SCX: variants seen among roughly 807,000 people sequenced by gnomAD.
SCX encodes the protein basic helix-loop-helix transcription factor scleraxis.
In SCX, 7 loss-of-function variants were observed where a neutral mutation model predicts 12.2. The observed-to-expected ratio is 0.57, with a 90% CI of 0.33 to 1.08. The LOEUF (loss-of-function observed/expected upper bound fraction) is 1.08. Ranked by LOEUF, SCX falls within the 50% of genes least tolerant of loss-of-function variation. The pLI is 0.04. For synonymous variants in SCX, 193 were observed against 163.9 expected (o/e 1.18, Z -1.36); for missense variants, 342 against 337.2 (o/e 1.01, Z -0.11).
chr8:144,266,795 C>G lies in SCX; in HGVS notation c.182C>G (p.Ala61Gly), dbSNP rs1174481820. Residue 61 changes from alanine to glycine, a missense_variant, in exon 1 of 2, where the codon GCC (alanine) becomes GGC (glycine). Transcript: ENST00000567180. ...CGGCGGAGGGCGGGGGGCCGGCGGG[C>G]CGGGGGCGGGGGGCCAGGGGGCCGG... is the stretch of plus-strand genomic sequence containing the variant. The part of the protein sequence containing the change: ...GARRRAGGRR[A>G]GGGGPGGRPG... The G allele has an allele frequency of 1.7e-5, 19 of 1,124,640 alleles. No homozygotes were observed. The highest frequency in any genetic ancestry group is 1.7e-5 in the Non-Finnish European group (16 of 920,724). 69.7% of individuals were successfully genotyped at this position (1,124,640 alleles called of 1,614,324 possible). A position where few individuals can be genotyped will look rare whatever the true frequency, so the allele number is the denominator to read the frequency against.
Position 144,267,090 on chromosome 8 carries a change from G to A in SCX, c.477G>A (p.Pro159=), listed in dbSNP as rs1279005518. The part of the protein sequence containing the change: ...FFHAARAGSP[P]PPPPPPPARD... ...ACGCGGCGCGCGCCGGCAGCCCCCC[G>A]CCGCCGCCCCCGCCGCCTCCCGCCC... Residue 159 remains proline, a synonymous_variant, in exon 1 of 2, where the codon CCG becomes CCA. Coordinates refer to ENST00000567180, the MANE Select transcript of SCX (RefSeq NM_001080514.3). 1.8e-5 allele frequency: 24 copies of A among 1,370,016 alleles called. No homozygotes were observed. Among genetic ancestry groups the A allele is most frequent in the South Asian group, 3.4e-5 (2 of 59,562 alleles). The allele number at this position is 1,370,016 out of a possible 1,614,324, so 84.9% of individuals were successfully genotyped here. A position where few individuals can be genotyped will look rare whatever the true frequency, so the allele number is the denominator to read the frequency against.
Position 144,267,197 on chromosome 8 carries a change from G to T in SCX, c.567+17G>T. The T allele has an allele frequency of 6.7e-7, 1 of 1,498,704 alleles. No homozygotes were observed. Among genetic ancestry groups the T allele is most frequent in the Non-Finnish European group, 8.8e-7 (1 of 1,137,034 alleles). 92.8% of individuals were successfully genotyped at this position (1,498,704 alleles called of 1,614,324 possible). A position where few individuals can be genotyped will look rare whatever the true frequency, so the allele number is the denominator to read the frequency against. ...AGAAAGTTGGTGAGCACGGGCCGTG[G>T]GGCGCCGAGGGGGGCCTCCAACGCG... On this transcript the variant is annotated intron_variant, in intron 1 of 1. Transcript: ENST00000567180.
In SCX at chr8:144,267,011, C is replaced by T. The variant is rs1165241192; in HGVS notation, c.398C>T (p.Ala133Val). 17 of 1,533,278 alleles carry T rather than the reference C, an allele frequency of 1.1e-5. No homozygotes were observed. Among genetic ancestry groups the T allele is most frequent in the Non-Finnish European group, 1.5e-5 (17 of 1,146,720 alleles). The allele number at this position is 1,533,278 out of a possible 1,614,324, so 95.0% of individuals were successfully genotyped here. Residue 133 changes from alanine to valine, a missense_variant, in exon 1 of 2, where the codon GCG becomes GTG. Coordinates refer to ENST00000567180, the MANE Select transcript of SCX (RefSeq NM_001080514.3). ...TCGCACCTGGGCAACGTGCTGCTGG[C>T]GGGCGAGGCCTGCGGCGACGGACAG... ...YISHLGNVLL[A>V]GEACGDGQPC...
rs1845430947 is a variant in SCX at position 144,268,402 on chromosome 8, G to A, written c.*260G>A. 6.8e-6 allele frequency: 4 copies of A among 585,622 alleles called. No individual in the cohort carries two copies. Among genetic ancestry groups the A allele is most frequent in the Non-Finnish European group, 1.2e-5 (4 of 329,826 alleles). 36.3% of individuals were successfully genotyped at this position (585,622 alleles called of 1,614,324 possible). ...CTGGCTTTTCTTCCGGCCACTGTGTGATGGCATCTTGTGTTTTTGATATGA... is the reference window on the plus strand; with the variant it reads ...CTGGCTTTTCTTCCGGCCACTGTGTAATGGCATCTTGTGTTTTTGATATGA... On this transcript the variant is annotated 3_prime_UTR_variant, in exon 2 of 2. Coordinates refer to ENST00000567180, the MANE Select transcript of SCX (RefSeq NM_001080514.3).
In SCX at chr8:144,266,697, C is replaced by G. The variant is rs1368020971; in HGVS notation, c.84C>G (p.Arg28=). 1.1e-5 allele frequency: 13 copies of G among 1,226,732 alleles called. No individual in the cohort carries two copies. The highest frequency in any genetic ancestry group is 1.1e-5 in the Non-Finnish European group (11 of 964,798). 76.0% of individuals were successfully genotyped at this position (1,226,732 alleles called of 1,614,324 possible). Residue 28 remains arginine, a synonymous_variant, in exon 1 of 2, where the codon CGC becomes CGG. Coordinates refer to ENST00000567180, the MANE Select transcript of SCX (RefSeq NM_001080514.3). ...EVSPLSEDED[R]GSDSSGSDEK... is the part of the protein sequence containing the mutation. Reference sequence around the variant, plus strand: ...GCCCGCTGTCGGAGGACGAGGACCGCGGCAGCGACAGCTCGGGCTCCGACG... The same window carrying G: ...GCCCGCTGTCGGAGGACGAGGACCGGGGCAGCGACAGCTCGGGCTCCGACG...
chr8:144,267,458 G>A (rs1176521906), intron 1 of SCX, among the ~76,000 whole-genome samples: 1 of 152,242 alleles, frequency 6.6e-6, no homozygotes, highest in African/African-American at 2.4e-5. Context: ...ACCCAGGGCG[G>A]GGAGGCTGGG....
Position 144,268,311 on chromosome 8 carries a change from C to G in SCX, c.*169C>G. 1 of 938,304 alleles carries G rather than the reference C, an allele frequency of 1.1e-6. No homozygotes were observed. Among genetic ancestry groups the G allele is most frequent in the Non-Finnish European group, 1.6e-6 (1 of 635,428 alleles). 58.1% of individuals were successfully genotyped at this position (938,304 alleles called of 1,614,324 possible). On this transcript the variant is annotated 3_prime_UTR_variant, in exon 2 of 2. Coordinates refer to ENST00000567180, the MANE Select transcript of SCX (RefSeq NM_001080514.3). ...GCCGAGGGACAGACGGACGTACAGA[C>G]AGGCGCCGGCAGCGGGACTCTGCGC...
Position 144,266,783 on chromosome 8 carries a change from G to GGGGCCGGC in SCX, c.178_185dup (p.Gly64ProfsTer31). 9.1e-7 allele frequency: 1 copy of GGGGCCGGC among 1,103,712 alleles called. No homozygotes were observed. Among genetic ancestry groups the GGGGCCGGC allele is most frequent in the Non-Finnish European group, 1.1e-6 (1 of 907,460 alleles). The allele number at this position is 1,103,712 out of a possible 1,614,324, so 68.4% of individuals were successfully genotyped here. A position where few individuals can be genotyped will look rare whatever the true frequency, so the allele number is the denominator to read the frequency against. On this transcript the variant is annotated frameshift_variant, in exon 1 of 2. Transcript: ENST00000567180. LOFTEE classifies it high-confidence loss of function. The stretch of plus-strand genomic sequence containing the variant: ...CTCCAGGGCGCCCGGCGGAGGGCGG[G>GGGGCCGGC]GGGCCGGCGGGCCGGGGGCGGGGGG...
At chr8:144,267,203 C>A in intron 1 of SCX, 23 bp downstream of exon 1, 1 of 1,494,868 alleles carries the variant, frequency 6.7e-7, no homozygotes, top group Admixed American at 2.4e-5. Context: ...CGTGGGGCGC[C>A]GAGGGGGGCC....
At position 144,266,698 on chromosome 8, in the gene SCX, G is replaced by A. The variant is rs1588591098; in HGVS notation, c.85G>A (p.Gly29Ser). The A allele has an allele frequency of 1.6e-6, 2 of 1,235,158 alleles. No homozygotes were observed. The highest frequency in any genetic ancestry group is 5.6e-5 in the East Asian group (1 of 17,716). The allele number at this position is 1,235,158 out of a possible 1,614,324, so 76.5% of individuals were successfully genotyped here. The change falls in exon 1 of 2, where the codon GGC becomes AGC. Residue 29 changes from glycine (G) to serine (S), a missense_variant. Gly to Ser is a moderately conservative substitution (Grantham distance 56, BLOSUM62 0). Coordinates refer to ENST00000567180, the MANE Select transcript of SCX (RefSeq NM_001080514.3). ...VSPLSEDEDR[G>S]SDSSGSDEKP... is the part of the protein sequence containing the mutation. ...CCCGCTGTCGGAGGACGAGGACCGCGGCAGCGACAGCTCGGGCTCCGACGA... is the reference window on the plus strand; with the variant it reads ...CCCGCTGTCGGAGGACGAGGACCGCAGCAGCGACAGCTCGGGCTCCGACGA...
Position 144,266,699 on chromosome 8 carries a change from G to GCAGCGA in SCX, c.91_96dup (p.Asp31_Ser32dup). On this transcript the variant is annotated inframe_insertion, in exon 1 of 2. Coordinates refer to ENST00000567180, the MANE Select transcript of SCX (RefSeq NM_001080514.3). ...CCGCTGTCGGAGGACGAGGACCGCG[G>GCAGCGA]CAGCGACAGCTCGGGCTCCGACGAG... 5 of 1,230,870 alleles carry GCAGCGA rather than the reference G, an allele frequency of 4.1e-6. No individual in the cohort carries two copies. Among genetic ancestry groups the GCAGCGA allele is most frequent in the Non-Finnish European group, 5.2e-6 (5 of 967,284 alleles). 76.2% of individuals were successfully genotyped at this position (1,230,870 alleles called of 1,614,324 possible).
chr8:144,266,722 G>T lies in SCX; in HGVS notation c.109G>T (p.Glu37Ter). The T allele has an allele frequency of 8.4e-7, 1 of 1,187,546 alleles. No individual in the cohort carries two copies. Among genetic ancestry groups the T allele is most frequent in the South Asian group, 1.7e-5 (1 of 59,200 alleles). 73.6% of individuals were successfully genotyped at this position (1,187,546 alleles called of 1,614,324 possible). The stretch of plus-strand genomic sequence containing the variant: ...CGGCAGCGACAGCTCGGGCTCCGAC[G>T]AGAAACCCTGTCGCGTGCACGCGGC... Reference protein sequence around the residue: ...DRGSDSSGSDEKPCRVHAARC... With the variant: ...DRGSDSSGSD Residue 37 changes from glutamate (E) to a stop codon, truncating the protein, a stop_gained, in exon 1 of 2, where the codon GAG (glutamate) becomes TAG (stop). Coordinates refer to ENST00000567180, the MANE Select transcript of SCX (RefSeq NM_001080514.3). LOFTEE classifies it high-confidence loss of function.
At chr8:144,267,201 G>T in intron 1 of SCX, 21 bp downstream of exon 1, 1 of 1,493,166 alleles carries the variant, frequency 6.7e-7, no homozygotes, top group Admixed American at 2.4e-5. Flanking sequence ...GCCGTGGGGC[G>T]CCGAGGGGGG....
rs1383219290 is a variant in SCX at position 144,267,007 on chromosome 8, C to A, written c.394C>A (p.Leu132Met). The change falls in exon 1 of 2, where the codon CTG becomes ATG. Residue 132 changes from leucine (L) to methionine (M), a missense_variant. Coordinates refer to ENST00000567180, the MANE Select transcript of SCX (RefSeq NM_001080514.3). ...CATCTCGCACCTGGGCAACGTGCTGCTGGCGGGCGAGGCCTGCGGCGACGG... is the reference window on the plus strand; with the variant it reads ...CATCTCGCACCTGGGCAACGTGCTGATGGCGGGCGAGGCCTGCGGCGACGG... ...SYISHLGNVL[L>M]AGEACGDGQP... The A allele has an allele frequency of 5.2e-6, 8 of 1,539,458 alleles. No homozygotes were observed. The highest frequency in any genetic ancestry group is 6.1e-6 in the Non-Finnish European group (7 of 1,149,460).
At chr8:144,267,212 C>T (rs1845394403) in intron 1 of SCX, 32 bp downstream of exon 1, 2 of 1,487,472 alleles carry the variant, frequency 1.3e-6, no homozygotes, top group Non-Finnish European at 8.8e-7. Context: ...CCGAGGGGGG[C>T]CTCCAACGCG....
Position 144,266,694 on chromosome 8 carries a change from C to T in SCX, c.81C>T (p.Asp27=). The T allele has an allele frequency of 8.1e-7, 1 of 1,240,022 alleles. No homozygotes were observed. Among genetic ancestry groups the T allele is most frequent in the Non-Finnish European group, 1.0e-6 (1 of 972,420 alleles). The allele number at this position is 1,240,022 out of a possible 1,614,324, so 76.8% of individuals were successfully genotyped here. A position where few individuals can be genotyped will look rare whatever the true frequency, so the allele number is the denominator to read the frequency against. The change falls in exon 1 of 2, where the codon GAC becomes GAT. Residue 27 remains aspartate (D), a synonymous_variant. Coordinates refer to ENST00000567180, the MANE Select transcript of SCX (RefSeq NM_001080514.3). ...PEVSPLSEDE[D]RGSDSSGSDE... is the part of the protein sequence containing the mutation. Reference sequence around the variant, plus strand: ...TGAGCCCGCTGTCGGAGGACGAGGACCGCGGCAGCGACAGCTCGGGCTCCG... The same window carrying T: ...TGAGCCCGCTGTCGGAGGACGAGGATCGCGGCAGCGACAGCTCGGGCTCCG...
rs1398968139 is a variant in SCX, at chr8:144,266,892, G to A, written c.279G>A (p.Thr93=). 3.1e-5 allele frequency: 47 copies of A among 1,516,248 alleles called. No individual in the cohort carries two copies. Among genetic ancestry groups the A allele is most frequent in the Non-Finnish European group, 3.8e-5 (43 of 1,136,564 alleles). The allele number at this position is 1,516,248 out of a possible 1,614,324, so 93.9% of individuals were successfully genotyped here. A position where few individuals can be genotyped will look rare whatever the true frequency, so the allele number is the denominator to read the frequency against. The change falls in exon 1 of 2, where the codon ACG becomes ACA. Residue 93 remains threonine, a synonymous_variant. Coordinates refer to ENST00000567180, the MANE Select transcript of SCX (RefSeq NM_001080514.3). The stretch of plus-strand genomic sequence containing the variant: ...GAGACCGCACCAACAGCGTGAACAC[G>A]GCCTTCACGGCGCTGCGCACGCTGA... ...RERDRTNSVN[T]AFTALRTLIP...
chr8:144,267,918 A>T (rs1274734434), intron 1 of SCX, among the ~76,000 whole-genome samples, 186 bp from the exon 2 acceptor site: 4 of 152,180 alleles, frequency 2.6e-5, no homozygotes, highest in Non-Finnish European at 4.4e-5. Flanking sequence ...GGGAAATTTA[A>T]TTTTACAATT....
chr8:144,268,173 G>A lies in SCX; in HGVS notation c.*31G>A, dbSNP rs1845424375. On this transcript the variant is annotated 3_prime_UTR_variant, in exon 2 of 2. Transcript: ENST00000567180. The stretch of plus-strand genomic sequence containing the variant: ...GGCCGGCAGCAGCCAGGAGGCAGAC[G>A]CTGCTGGGGGAGGTGGACGCCCGGG... 24 of 1,549,754 alleles carry A rather than the reference G, an allele frequency of 1.5e-5. No individual in the cohort carries two copies. Among genetic ancestry groups the A allele is most frequent in the South Asian group, 2.4e-5 (2 of 84,018 alleles).
Sources: allele counts gnomAD v4.1 joint callset (sites outside exome capture counted in the v4.1 genomes callset), GRCh38; gene constraint gnomAD v4.1.1; transcripts MANE v1.5; gene names NCBI Gene and HGNC (gene_info 2026-07-23, HGNC 2026-07-21).